ABL1: variants seen among roughly 807,000 people sequenced by gnomAD.
ABL1 encodes the protein ABL proto-oncogene 1, non-receptor tyrosine kinase.
In ABL1, 11 loss-of-function variants were observed where a neutral mutation model predicts 94.7. That is an observed-to-expected ratio of 0.12 (90% confidence interval 0.07 to 0.19). The LOEUF is 0.19. Among genes scored for constraint, ABL1 ranks in the 10% least tolerant of loss-of-function variants. The pLI, the probability that ABL1 is intolerant of heterozygous loss-of-function variation, is 1.00. For missense variants in ABL1, 1,082 were observed against 1,489.4 expected (o/e 0.73, Z 4.50); for synonymous variants, 656 against 622.4 (o/e 1.05, Z -0.80).
intron 4 of ABL1, among the ~76,000 whole-genome samples, chr9:130,868,494 G>A (rs975883891): frequency 6.6e-6 from 1 of 151,588 alleles, no homozygotes; most frequent in African/African-American, 2.4e-5. Context: ...ACTGCTGGAA[G>A]GCCAAGCCAT....
chr9:130,866,348 A>G (rs1470828825), intron 4 of ABL1, among the ~76,000 whole-genome samples: 1 of 152,180 alleles, frequency 6.6e-6, no homozygotes, highest in African/African-American at 2.4e-5. Flanking sequence ...GCCTTTTAAA[A>G]AAAAATCACC....
At position 130,862,266 on chromosome 9, in the gene ABL1, G is replaced by A. The variant is rs943132000; in HGVS notation, c.550-497G>A. ...TGTTCTCAACATTGGAATGAAGACA[G>A]CTTAGGGTTCTGCTTTCATGAAGCT... On this transcript the variant is annotated intron_variant, in intron 3 of 10. Coordinates refer to ENST00000318560, the MANE Select transcript of ABL1 (RefSeq NM_005157.6). The surrounding 1 kb of genome is among the most constrained non-coding windows in gnomAD (Gnocchi z 5.5). Among the ~76,000 whole-genome samples, 2 of 152,212 alleles carry A rather than the reference G, an allele frequency of 1.3e-5. No homozygotes were observed. The highest frequency in any genetic ancestry group is 4.8e-5 in the African/African-American group (2 of 41,442).
chr9:130,734,790 G>A (rs1160699400), intron 1 of ABL1, among the ~76,000 whole-genome samples: 3 of 152,012 alleles, frequency 2.0e-5, no homozygotes, highest in Admixed American at 1.3e-4. Context: ...CCAAAGCGGT[G>A]CAATTACAAG....
chr9:130,743,124 G>A (rs908919187), intron 1 of ABL1, among the ~76,000 whole-genome samples: 6 of 152,208 alleles, frequency 3.9e-5, no homozygotes, highest in Admixed American at 3.9e-4. Context: ...CCAGGCTAGA[G>A]TGCAGTGGCG....
chr9:130,866,503 G>A (rs1831159320), intron 4 of ABL1, among the ~76,000 whole-genome samples: 2 of 152,036 alleles, frequency 1.3e-5, no homozygotes, highest in African/African-American at 4.8e-5. Flanking sequence ...CTCCCATCCA[G>A]CCTGTTTCCT....
At chr9:130,721,822 GTT>G (rs746954089) in intron 1 of ABL1, among the ~76,000 whole-genome samples, 6 of 120,872 alleles carry the variant, frequency 5.0e-5, no homozygotes, top group African/African-American at 1.9e-4. Flanking sequence ...GTTTTTTTTT[GTT>G]TTTTTTTTTT....
chr9:130,878,559 T>C lies in ABL1; in HGVS notation c.1415T>C (p.Met472Thr). Reference sequence around the variant, plus strand: ...TGCCCAGAGAAGGTCTATGAACTCATGCGAGCATGTAAGCCTTCCTCAGCC... The same window carrying C: ...TGCCCAGAGAAGGTCTATGAACTCACGCGAGCATGTAAGCCTTCCTCAGCC... ...EGCPEKVYELMRACWQWNPSD... is the reference protein window; with the variant it reads ...EGCPEKVYELTRACWQWNPSD... Residue 472 changes from methionine (M) to threonine (T), a missense_variant, in exon 8 of 11, where the codon ATG becomes ACG. By Grantham distance (81) the Met-to-Thr change is moderately conservative. Around this residue, in one of 7 missense-constraint regions of ABL1, gnomAD observed 76 missense variants for 177.1 expected, o/e 0.43. Coordinates refer to ENST00000318560, the MANE Select transcript of ABL1 (RefSeq NM_005157.6). 1 of 1,614,180 alleles carries C rather than the reference T, an allele frequency of 6.2e-7. No individual in the cohort carries two copies. The highest frequency in any genetic ancestry group is 8.5e-7 in the Non-Finnish European group (1 of 1,180,022).
chr9:130,755,644 T>C (rs1259716829), intron 1 of ABL1, among the ~76,000 whole-genome samples: 2 of 152,194 alleles, frequency 1.3e-5, no homozygotes, highest in African/African-American at 4.8e-5. Flanking sequence ...AAGGCTGTAA[T>C]AATGTATGAG....
intron 1 of ABL1, among the ~76,000 whole-genome samples, chr9:130,817,792 T>C (rs1029481748): frequency 2.6e-4 from 39 of 152,340 alleles, no homozygotes; most frequent in Admixed American, 2.0e-3. Flanking sequence ...TTTCTATTGC[T>C]GAGTAGTGTT....
At chr9:130,882,648 C>G (rs1480582244) in intron 10 of ABL1, among the ~76,000 whole-genome samples, 1 of 152,076 alleles carries the variant, frequency 6.6e-6, no homozygotes, top group Non-Finnish European at 1.5e-5. Context: ...GATTCTCCTG[C>G]CTCATCCTCC....
rs61654002 is a variant in ABL1 at position 130,839,079 on chromosome 9, T to A, written c.79+3554T>A. On this transcript the variant is annotated intron_variant, in intron 1 of 10. Transcript: ENST00000318560. Reference sequence around the variant, plus strand: ...CATATGCTACCTGACTAATTAAAATTTTTTTTTTTTTTTTGTAGAGACAGG... The same window carrying A: ...CATATGCTACCTGACTAATTAAAATATTTTTTTTTTTTTTGTAGAGACAGG... 6.1e-3 allele frequency among the ~76,000 whole-genome samples: 912 copies of A among 148,424 alleles called. 9 individuals are homozygous for A. The highest frequency in any genetic ancestry group is 0.052 in the East Asian group (266 of 5,120).
At chr9:130,759,667 G>C (rs945279577) in intron 1 of ABL1, among the ~76,000 whole-genome samples, 1 of 152,060 alleles carries the variant, frequency 6.6e-6, no homozygotes, top group Admixed American at 6.6e-5. Flanking sequence ...GATTCCTTTT[G>C]CACCAACCTC....
At position 130,809,401 on chromosome 9, in the gene ABL1, AGAGAGAGAGAGAGAGAGT is replaced by A. The variant is rs1387820299; in HGVS notation, c.137-44661_137-44644del. 8.0e-4 allele frequency among the ~76,000 whole-genome samples: 101 copies of A among 126,602 alleles called. 1 individual carries two copies. Among genetic ancestry groups the A allele is most frequent in the East Asian group, 4.4e-3 (18 of 4,084 alleles). The allele number at this position is 126,602 out of a possible 152,430, so 83.1% of individuals were successfully genotyped here. A position where few individuals can be genotyped will look rare whatever the true frequency, so the allele number is the denominator to read the frequency against. On this transcript the variant is annotated intron_variant, in intron 1 of 10. Transcript: ENST00000372348. ...GTTCTTGAGAGAGAGAGAGAGAGAGAGAGAGAGAGAGAGAGAGTGTGTGTGTGTGTGTGTGTGTGTGTG... is the reference window on the plus strand; with the variant it reads ...GTTCTTGAGAGAGAGAGAGAGAGAGAGTGTGTGTGTGTGTGTGTGTGTGTG...
At chr9:130,741,687 C>G (rs1216468535) in intron 1 of ABL1, among the ~76,000 whole-genome samples, 1 of 152,190 alleles carries the variant, frequency 6.6e-6, no homozygotes, top group African/African-American at 2.4e-5. Context: ...CACTGGTATA[C>G]CAGTTACCAT....
At chr9:130,847,298 G>A (rs1270492729) in intron 1 of ABL1, among the ~76,000 whole-genome samples, 1 of 152,114 alleles carries the variant, frequency 6.6e-6, no homozygotes, top group East Asian at 1.9e-4. Flanking sequence ...AATAGCAGAT[G>A]CTAAAATTTA....
At chr9:130,873,136 G>T (rs917366016) in intron 6 of ABL1, 99 bp downstream of exon 6, 1 of 1,256,690 alleles carries the variant, frequency 8.0e-7, no homozygotes, top group African/African-American at 1.5e-5. Context: ...TCAGGGCGCA[G>T]CTTCTAACCT....
chr9:130,864,789 G>A lies in ABL1; in HGVS notation c.822+1754G>A, dbSNP rs1015248087. Among the ~76,000 whole-genome samples, 5 of 152,300 alleles carry A rather than the reference G, an allele frequency of 3.3e-5. No homozygotes were observed. In the East Asian group the frequency reaches 5.8e-4, roughly 18 times the overall value. On this transcript the variant is annotated intron_variant, in intron 4 of 10. Transcript: ENST00000318560. ...CCAGCTCCTTGGGTTGCACAGGGTT[G>A]AAGACCAGACCCAAGAAATGGGGCC...
intron 1 of ABL1, among the ~76,000 whole-genome samples, chr9:130,721,955 T>G (rs1404053655): frequency 1.3e-5 from 2 of 151,552 alleles, no homozygotes; most frequent in Non-Finnish European, 2.9e-5. Context: ...CCTAATTTTT[T>G]GTATTTTTAT....
At position 130,734,480 on chromosome 9, in the gene ABL1, G is replaced by A. The variant is rs1386371684; in HGVS notation, c.136+20025G>A. Among the ~76,000 whole-genome samples, 3 of 148,736 alleles carry A rather than the reference G, an allele frequency of 2.0e-5. No individual in the cohort carries two copies. The East Asian group carries it at 6.0e-4, about 30-fold the overall frequency. ...TCCGCCCGCCTTGGCTTCCCAAAGT[G>A]CTGGGATTACAGGTGTGAGCCACTG... is the stretch of plus-strand genomic sequence containing the variant. On this transcript the variant is annotated intron_variant, in intron 1 of 10. Coordinates refer to the ABL1 transcript ENST00000372348.
Sources: allele counts gnomAD v4.1 joint callset (sites outside exome capture counted in the v4.1 genomes callset), GRCh38; gene constraint gnomAD v4.1.1; regional missense constraint gnomAD v4.1.1; non-coding constraint Gnocchi (gnomAD v3.1); transcripts MANE v1.5; gene names NCBI Gene and HGNC (gene_info 2026-07-23, HGNC 2026-07-21).